Variants in FGF14 observed in about 807,000 individuals in gnomAD.
The protein encoded by FGF14 is fibroblast growth factor 14, also known as fibroblast growth factor homologous factor 4.
FGF14 carries 5 observed loss-of-function variants against 25.5 expected under a neutral mutation model. The observed-to-expected ratio is 0.20, with a 90% CI of 0.10 to 0.41. FGF14 has a LOEUF of 0.41. Among genes scored for constraint, FGF14 ranks in the 10% least tolerant of loss-of-function variants. FGF14 has a pLI of 1.00. For synonymous variants in FGF14, 138 were observed against 118.3 expected (o/e 1.17, Z -1.08); for missense variants, 222 against 320.1 (o/e 0.69, Z 2.34).
chr13:101,804,603 T>C (rs1038254830), intron 3 of FGF14, among the ~76,000 whole-genome samples: 1 of 152,124 alleles, frequency 6.6e-6, no homozygotes, highest in Non-Finnish European at 1.5e-5. Flanking sequence ...TACACACATA[T>C]GCTGATGTGG....
chr13:102,068,975 C>T (rs530706619), intron 1 of FGF14, among the ~76,000 whole-genome samples: 3 of 152,142 alleles, frequency 2.0e-5, no homozygotes, highest in Non-Finnish European at 4.4e-5. Context: ...ATGTCTAGCT[C>T]GGGATTGTAA....
intron 1 of FGF14, among the ~76,000 whole-genome samples, chr13:102,151,402 G>A (rs544139155): frequency 2.8e-4 from 43 of 152,116 alleles, no homozygotes; most frequent in Non-Finnish European, 5.0e-4. Flanking sequence ...ATCTTCTTAC[G>A]CCTTATTTTA....
chr13:101,817,337 A>C (rs2140216760), intron 3 of FGF14, among the ~76,000 whole-genome samples: 2 of 152,290 alleles, frequency 1.3e-5, no homozygotes, highest in East Asian at 3.9e-4. Context: ...AAGAATCTTT[A>C]AATACCTGAA....
intron 4 of FGF14, 24 bp downstream of exon 4, chr13:101,726,588 T>C (rs772333363): frequency 3.7e-6 from 6 of 1,601,354 alleles, no homozygotes; most frequent in African/African-American, 1.3e-5. Flanking sequence ...GTCTATGTAA[T>C]AATAATGCAT....
chr13:102,035,484 C>T (rs1309103274), intron 1 of FGF14, among the ~76,000 whole-genome samples: 2 of 152,076 alleles, frequency 1.3e-5, no homozygotes, highest in African/African-American at 4.8e-5. Context: ...GGAAGAGTCC[C>T]ATGTGGCCTT....
At chr13:102,194,325 G>C (rs145780537) in intron 1 of FGF14, among the ~76,000 whole-genome samples, 4,025 of 152,020 alleles carry the variant, frequency 0.026, 170 homozygotes, top group African/African-American at 0.092. Flanking sequence ...GTGCAGGTTT[G>C]TTACACAGGT....
rs1183823765 is a variant in FGF14 at position 101,716,383 on chromosome 13, T to A, written c.*6448A>T. The A allele has an allele frequency of 1.3e-5, 2 of 152,120 alleles. No individual in the cohort carries two copies. Among genetic ancestry groups the A allele is most frequent in the African/African-American group, 4.8e-5 (2 of 41,428 alleles). 9.4% of individuals were successfully genotyped at this position (152,120 alleles called of 1,614,324 possible). On this transcript the variant is annotated 3_prime_UTR_variant, in exon 5 of 5. Transcript: ENST00000376143. ...TTAAACTCACCAAAGAAGATTCTCTTAAAGAAATTATGAAAAATGTACAAT... is the reference window on the plus strand; with the variant it reads ...TTAAACTCACCAAAGAAGATTCTCTAAAAGAAATTATGAAAAATGTACAAT...
At chr13:102,190,341 G>T (rs911606327) in intron 1 of FGF14, among the ~76,000 whole-genome samples, 3 of 152,184 alleles carry the variant, frequency 2.0e-5, no homozygotes, top group African/African-American at 7.2e-5. Flanking sequence ...TTAGAACAGT[G>T]ATTCTCAGTC....
intron 1 of FGF14, among the ~76,000 whole-genome samples, chr13:102,199,232 G>A (rs1349189612): frequency 2.0e-5 from 3 of 152,162 alleles, no homozygotes; most frequent in Admixed American, 6.5e-5. Flanking sequence ...AGTTAAAACA[G>A]TGTAAAGCCT....
intron 1 of FGF14, among the ~76,000 whole-genome samples, chr13:102,380,035 C>G (rs2058143925): frequency 6.6e-6 from 1 of 152,126 alleles, no homozygotes; most frequent in Admixed American, 6.6e-5. Context: ...GAATTTAACA[C>G]TCTGGTTTAA....
chr13:102,011,162 GC>G (rs1244267518), intron 1 of FGF14, among the ~76,000 whole-genome samples: 1 of 152,144 alleles, frequency 6.6e-6, no homozygotes, highest in Admixed American at 6.5e-5. Flanking sequence ...ATTTAGGATA[GC>G]ATTGTTGTAA....
chr13:102,351,467 G>A (rs756961270), intron 1 of FGF14, among the ~76,000 whole-genome samples: 4 of 152,192 alleles, frequency 2.6e-5, no homozygotes, highest in African/African-American at 4.8e-5. Context: ...ATTAAACAGG[G>A]TTTTGTGGGT....
At chr13:101,953,202 G>C (rs2036284203) in intron 1 of FGF14, among the ~76,000 whole-genome samples, 1 of 152,260 alleles carries the variant, frequency 6.6e-6, no homozygotes, top group East Asian at 1.9e-4. Context: ...ACCTTCACCT[G>C]TTCTGTTTGC....
At chr13:102,295,199 T>C (rs1449992320) in intron 1 of FGF14, among the ~76,000 whole-genome samples, 1 of 152,136 alleles carries the variant, frequency 6.6e-6, no homozygotes, top group Non-Finnish European at 1.5e-5. Context: ...TTAGTTATAC[T>C]TCTTATCGAT....
chr13:101,893,440 A>G (rs985646374), intron 1 of FGF14, among the ~76,000 whole-genome samples: 21 of 152,134 alleles, frequency 1.4e-4, no homozygotes, highest in Admixed American at 1.3e-4. Context: ...AAGCACCTAC[A>G]TTCTTATACC....
chr13:102,377,060 A>C (rs1594993310), intron 1 of FGF14, among the ~76,000 whole-genome samples: 1 of 151,890 alleles, frequency 6.6e-6, no homozygotes, highest in East Asian at 1.9e-4. Context: ...AGGCAAATTC[A>C]AGCTAGTCTT....
intron 1 of FGF14, among the ~76,000 whole-genome samples, chr13:102,316,004 A>C (rs1252357965): frequency 2.6e-5 from 4 of 152,232 alleles, no homozygotes; most frequent in Non-Finnish European, 5.9e-5. Context: ...GCAATCCCAC[A>C]GCTACACTGT....
chr13:101,757,641 C>T (rs1566862942), intron 3 of FGF14, among the ~76,000 whole-genome samples: 1 of 152,086 alleles, frequency 6.6e-6, no homozygotes. Context: ...TAAAGGTCAC[C>T]CTCTAGTGGG....
At chr13:102,118,926 C>CG (rs2045594646) in intron 1 of FGF14, among the ~76,000 whole-genome samples, 3 of 152,048 alleles carry the variant, frequency 2.0e-5, no homozygotes, top group Non-Finnish European at 4.4e-5. Flanking sequence ...TTTACCTTTA[C>CG]GTTGCTGGAG....
Sources: allele counts gnomAD v4.1 joint callset (sites outside exome capture counted in the v4.1 genomes callset), GRCh38; gene constraint gnomAD v4.1.1; transcripts MANE v1.5; gene names NCBI Gene and HGNC (gene_info 2026-07-23, HGNC 2026-07-21).